ZNHIT6: variants seen among roughly 807,000 people sequenced by gnomAD.
The protein encoded by ZNHIT6 is zinc finger HIT-type containing 6.
A neutral mutation model predicts 57.2 loss-of-function variants in ZNHIT6; 45 were observed. The observed-to-expected ratio is 0.79, with a 90% confidence interval of 0.62 to 1.01. The LOEUF (loss-of-function observed/expected upper bound fraction) is 1.01, where lower values mean the gene tolerates loss of function less well. Among genes scored for constraint, ZNHIT6 ranks in the 50% least tolerant of loss-of-function variants. The pLI, the probability that ZNHIT6 is intolerant of heterozygous loss-of-function variation, is 0.00. For synonymous variants in ZNHIT6, 188 were observed against 190.0 expected, an observed-to-expected ratio of 0.99 and a Z score of 0.09; for missense variants, 528 against 567.3, an observed-to-expected ratio of 0.93 and a Z score of 0.70.
rs1662760394 is a variant in ZNHIT6 at position 85,708,373 on chromosome 1, A to C, written c.-89T>G. 1 of 1,470,620 alleles carries C rather than the reference A, an allele frequency of 6.8e-7. No individual in the cohort carries two copies. The highest frequency in any genetic ancestry group is 1.4e-5 in the African/African-American group (1 of 71,574). The allele number at this position is 1,470,620 out of a possible 1,614,324, so 91.1% of individuals were successfully genotyped here. ...GGAGGAATTACCGGTCGGAATACCT[A>C]CGGCGGCCCACGTGTGGAGCCAAGC... On this transcript the variant is annotated 5_prime_UTR_variant, in exon 1 of 10. Coordinates refer to ENST00000370574, the MANE Select transcript of ZNHIT6 (RefSeq NM_017953.4).
intron 5 of ZNHIT6, among the ~76,000 whole-genome samples, chr1:85,690,717 G>C (rs996836436): frequency 9.9e-5 from 15 of 152,164 alleles, no homozygotes; most frequent in African/African-American, 3.6e-4. Flanking sequence ...GAATCATCTG[G>C]TGCTTTTTAG....
intron 6 of ZNHIT6, among the ~76,000 whole-genome samples, chr1:85,679,078 A>T (rs1417786309): frequency 6.6e-6 from 1 of 152,190 alleles, no homozygotes; most frequent in East Asian, 1.9e-4. Context: ...CAAACATGAA[A>T]AGACGAGGTC....
At chr1:85,704,269 G>A (rs951974592) in intron 4 of ZNHIT6, among the ~76,000 whole-genome samples, 7 of 152,060 alleles carry the variant, frequency 4.6e-5, no homozygotes, top group African/African-American at 1.7e-4. Context: ...TCTATTCCCA[G>A]GTATAAACCC....
chr1:85,671,845 A>G (rs1315116666), intron 8 of ZNHIT6, among the ~76,000 whole-genome samples: 1 of 152,216 alleles, frequency 6.6e-6, no homozygotes, highest in African/African-American at 2.4e-5. Flanking sequence ...ACATTTTTGC[A>G]TAAGAGCAAA....
intron 5 of ZNHIT6, among the ~76,000 whole-genome samples, chr1:85,683,989 A>C (rs1661954559): frequency 6.6e-6 from 1 of 152,188 alleles, no homozygotes; most frequent in South Asian, 2.1e-4. Flanking sequence ...CTGGAAGCAG[A>C]ATCATCACTG....
At chr1:85,673,475 A>G (rs940277677) in intron 8 of ZNHIT6, among the ~76,000 whole-genome samples, 1 of 152,218 alleles carries the variant, frequency 6.6e-6, no homozygotes, top group African/African-American at 2.4e-5. Context: ...TATCTATATC[A>G]TGAGACAATT....
intron 9 of ZNHIT6, among the ~76,000 whole-genome samples, chr1:85,654,718 T>C (rs1457365463): frequency 6.6e-6 from 1 of 152,234 alleles, no homozygotes; most frequent in Admixed American, 6.5e-5. Flanking sequence ...CAAATCATTC[T>C]GCCTTTTAGT....
At chr1:85,683,753 A>C (rs1661946124) in intron 5 of ZNHIT6, among the ~76,000 whole-genome samples, 1 of 152,136 alleles carries the variant, frequency 6.6e-6, no homozygotes, top group African/African-American at 2.4e-5. Flanking sequence ...TTACTTTCTA[A>C]AGCTAGATTC....
intron 4 of ZNHIT6, 121 bp from the exon 5 acceptor site, chr1:85,702,381 A>G: frequency 1.6e-6 from 1 of 628,010 alleles, no homozygotes. Context: ...AACAGCTCTA[A>G]GCAGTAATCT....
chr1:85,678,730 A>G lies in ZNHIT6; in HGVS notation c.1140T>C (p.Pro380=). ...INEILKPYID[P]EKSDPVIRQR... is the part of the protein sequence containing the mutation. ...GACGAATTACAGGATCAGACTTTTC[A>G]GGATCAATGTAAGGTTTTAGGATTT... The change falls in exon 7 of 10, where the codon CCT becomes CCC. Residue 380 remains proline (P), a synonymous_variant. Transcript: ENST00000370574. 6.3e-7 allele frequency: 1 copy of G among 1,592,960 alleles called. No individual in the cohort carries two copies. Among genetic ancestry groups the G allele is most frequent in the African/African-American group, 1.4e-5 (1 of 74,052 alleles).
chr1:85,681,565 CATG>C (rs1275672476), intron 5 of ZNHIT6, among the ~76,000 whole-genome samples: 6 of 152,184 alleles, frequency 3.9e-5, no homozygotes, highest in Admixed American at 1.3e-4. Flanking sequence ...GTCTTCACTA[CATG>C]ATGATTTTAC....
chr1:85,702,824 T>C (rs1300125435), intron 4 of ZNHIT6, among the ~76,000 whole-genome samples: 3 of 152,196 alleles, frequency 2.0e-5, no homozygotes, highest in Non-Finnish European at 4.4e-5. Context: ...ACATGTGTTA[T>C]TACATTGACC....
At chr1:85,707,150 C>T (rs972671968) in intron 1 of ZNHIT6, among the ~76,000 whole-genome samples, 3 of 151,944 alleles carry the variant, frequency 2.0e-5, no homozygotes, top group African/African-American at 7.3e-5. Context: ...TCACATGATC[C>T]ACACACTAAG....
chr1:85,662,612 T>C (rs2100651934), intron 8 of ZNHIT6, among the ~76,000 whole-genome samples: 1 of 152,344 alleles, frequency 6.6e-6, no homozygotes, highest in South Asian at 2.1e-4. Context: ...GTTCAAGTCA[T>C]ATAGAAAAGG....
chr1:85,655,238 A>G (rs1005515554), intron 9 of ZNHIT6, among the ~76,000 whole-genome samples: 2 of 152,140 alleles, frequency 1.3e-5, no homozygotes, highest in African/African-American at 4.8e-5. Context: ...CTATTGTATA[A>G]TAAGTTTTAC....
chr1:85,671,402 C>T (rs1034562153), intron 8 of ZNHIT6, among the ~76,000 whole-genome samples: 1 of 152,054 alleles, frequency 6.6e-6, no homozygotes, highest in Admixed American at 6.5e-5. Flanking sequence ...TGCAGTGAGG[C>T]TATGCTTGTG....
chr1:85,704,613 T>A (rs966854418), intron 4 of ZNHIT6, among the ~76,000 whole-genome samples: 4 of 151,528 alleles, frequency 2.6e-5, no homozygotes, highest in African/African-American at 7.3e-5. Context: ...TTTCACAATT[T>A]AAAAAAAAAT....
intron 8 of ZNHIT6, among the ~76,000 whole-genome samples, chr1:85,658,892 T>A (rs1427428631): frequency 6.6e-6 from 1 of 151,906 alleles, no homozygotes; most frequent in Admixed American, 6.6e-5. Flanking sequence ...AAAAATAAAA[T>A]AATAATAATA....
chr1:85,687,299 C>CAAAAAAAAAAAAAAAAA (rs55889012), intron 5 of ZNHIT6, among the ~76,000 whole-genome samples: 2 of 77,934 alleles, frequency 2.6e-5, no homozygotes, highest in Admixed American at 1.8e-4. Flanking sequence ...AAAAAAAAAA[C>CAAAAAAAAAAAAAAAAA]AAAAAAAAAA....
Sources: allele counts gnomAD v4.1 joint callset (sites outside exome capture counted in the v4.1 genomes callset), GRCh38; gene constraint gnomAD v4.1.1; transcripts MANE v1.5; gene names NCBI Gene and HGNC (gene_info 2026-07-23, HGNC 2026-07-21).